NELL2: variants seen among roughly 807,000 people sequenced by gnomAD.
NELL2 encodes the protein protein kinase C-binding protein NELL2.
A neutral mutation model predicts 109.6 loss-of-function variants in NELL2; 41 were observed. The ratio of observed to expected loss-of-function variants is 0.37; its 90% CI spans 0.29 to 0.49. The LOEUF is 0.49. NELL2 is among the 20% of genes least tolerant of loss of function. NELL2 has a pLI of 0.98. For synonymous variants in NELL2, 355 were observed against 344.7 expected (o/e 1.03, Z -0.33); for missense variants, 900 against 1,008.3 (o/e 0.89, Z 1.45).
chr12:44,672,972 T>C (rs911250274), intron 12 of NELL2, among the ~76,000 whole-genome samples: 1 of 152,170 alleles, frequency 6.6e-6, no homozygotes, highest in African/African-American at 2.4e-5. Flanking sequence ...ATGAAACCTT[T>C]TACGAACTCA....
At chr12:44,618,328 G>A (rs1235767661) in intron 13 of NELL2, among the ~76,000 whole-genome samples, 4 of 152,164 alleles carry the variant, frequency 2.6e-5, no homozygotes, top group Middle Eastern at 3.4e-3. Context: ...AATTTGTTCT[G>A]ATTTTCTTCT....
chr12:44,572,148 T>C (rs1943895526), intron 15 of NELL2, among the ~76,000 whole-genome samples: 1 of 152,120 alleles, frequency 6.6e-6, no homozygotes, highest in African/African-American at 2.4e-5. Context: ...ATGTTATTTA[T>C]TTGTTTATTT....
chr12:44,530,704 C>A (rs1008138811), intron 16 of NELL2, among the ~76,000 whole-genome samples: 1 of 152,134 alleles, frequency 6.6e-6, no homozygotes, highest in Non-Finnish European at 1.5e-5. Context: ...TGAGGAGTGG[C>A]CCATGTATTA....
intron 15 of NELL2, among the ~76,000 whole-genome samples, chr12:44,572,151 G>C (rs1250781546): frequency 2.6e-5 from 4 of 151,256 alleles, no homozygotes; most frequent in Non-Finnish European, 5.9e-5. Context: ...TTATTTATTT[G>C]TTTATTTTTA....
intron 13 of NELL2, among the ~76,000 whole-genome samples, chr12:44,647,078 C>T (rs1947123778): frequency 6.6e-6 from 1 of 152,174 alleles, no homozygotes; most frequent in Non-Finnish European, 1.5e-5. Context: ...AGTGCAATAG[C>T]ACATATGCAT....
intron 13 of NELL2, among the ~76,000 whole-genome samples, chr12:44,613,752 A>G (rs80169565): frequency 0.036 from 5,434 of 152,126 alleles, 317 homozygotes; most frequent in African/African-American, 0.12. Context: ...ACAAAAACAG[A>G]ATATAAATGA....
chr12:44,622,853 A>T (rs1946109094), intron 13 of NELL2, among the ~76,000 whole-genome samples: 1 of 152,168 alleles, frequency 6.6e-6, no homozygotes, highest in South Asian at 2.1e-4. Flanking sequence ...ATGTTATTTC[A>T]ATATCTCCTG....
chr12:44,697,434 G>A lies in NELL2; in HGVS notation c.1318+6292C>T, dbSNP rs538341855. On this transcript the variant is annotated intron_variant, in intron 12 of 19. Transcript: ENST00000429094. ...CAGCTTTGGGGTATGGAGGAAACTG[G>A]AGTATCCAGGGAAAATCCACACAGA... Among the ~76,000 whole-genome samples, 3 of 152,232 alleles carry A rather than the reference G, an allele frequency of 2.0e-5. No homozygotes were observed. The East Asian group carries it at 5.8e-4, about 29-fold the overall frequency.
upstream of NELL2, among the ~76,000 whole-genome samples, chr12:44,879,882 G>A (rs1055409868): frequency 1.3e-5 from 2 of 151,612 alleles, no homozygotes; most frequent in Non-Finnish European, 2.9e-5. Context: ...CCACTTGCAG[G>A]TACAAGGTCC....
intron 2 of NELL2, among the ~76,000 whole-genome samples, chr12:44,860,615 A>G (rs1297878635): frequency 6.6e-6 from 1 of 152,192 alleles, no homozygotes; most frequent in Non-Finnish European, 1.5e-5. Context: ...CTCACATTGC[A>G]TCACACTGAC....
chr12:44,679,357 T>C (rs1449242478), intron 12 of NELL2, among the ~76,000 whole-genome samples: 10 of 152,112 alleles, frequency 6.6e-5, no homozygotes, highest in Non-Finnish European at 1.2e-4. Flanking sequence ...AGGTTTACAA[T>C]CATCATTGTA....
chr12:44,767,075 G>A (rs143352155), intron 9 of NELL2, among the ~76,000 whole-genome samples: 10 of 152,254 alleles, frequency 6.6e-5, no homozygotes, highest in East Asian at 5.8e-4. Flanking sequence ...GACAGTATCC[G>A]TGTTACGTCT....
intron 2 of NELL2, among the ~76,000 whole-genome samples, chr12:44,858,020 A>G (rs1592664220): frequency 6.6e-6 from 1 of 152,204 alleles, no homozygotes; most frequent in Admixed American, 6.5e-5. Flanking sequence ...AAGCCCCTCA[A>G]AAGTCCAAGG....
chr12:44,671,091 C>T (rs993121354), intron 12 of NELL2, among the ~76,000 whole-genome samples: 4 of 152,194 alleles, frequency 2.6e-5, no homozygotes, highest in African/African-American at 9.6e-5. Flanking sequence ...TATCAAGTGT[C>T]TGCTCAGAAC....
intron 2 of NELL2, among the ~76,000 whole-genome samples, chr12:44,846,552 G>A (rs1459459729): frequency 2.6e-5 from 4 of 152,166 alleles, no homozygotes; most frequent in Admixed American, 2.6e-4. Flanking sequence ...TTAAGTGGCT[G>A]CAGTAGTGAA....
At chr12:44,910,121 A>G (rs975924288) in intron 1 of NELL2, among the ~76,000 whole-genome samples, 2 of 152,044 alleles carry the variant, frequency 1.3e-5, no homozygotes, top group East Asian at 3.8e-4. Context: ...CAAAAGCAAA[A>G]ATTGACAAGT....
chr12:44,829,781 G>GAT (rs1943829205), intron 2 of NELL2, among the ~76,000 whole-genome samples: 2 of 151,896 alleles, frequency 1.3e-5, no homozygotes, highest in African/African-American at 2.4e-5. Context: ...TTACCCCATA[G>GAT]ATAGTACCTG....
At chr12:44,533,533 G>C (rs1942176044) in intron 15 of NELL2, among the ~76,000 whole-genome samples, 1 of 152,072 alleles carries the variant, frequency 6.6e-6, no homozygotes, top group Non-Finnish European at 1.5e-5. Flanking sequence ...CTGACATTCA[G>C]GTGTGTGCTC....
chr12:44,745,725 G>A (rs908649730), intron 9 of NELL2, among the ~76,000 whole-genome samples: 3 of 152,076 alleles, frequency 2.0e-5, no homozygotes, highest in Non-Finnish European at 2.9e-5. Context: ...AAATACCTGG[G>A]AATCCAACTT....
Sources: gnomAD v4.1 joint callset for allele counts (sites outside exome capture counted in the v4.1 genomes callset) on GRCh38, gnomAD v4.1.1 for gene constraint, MANE v1.5 for transcripts, NCBI Gene and HGNC (gene_info 2026-07-23, HGNC 2026-07-21) for gene names.